FAM107B: variants seen among roughly 807,000 people sequenced by gnomAD.
FAM107B encodes family with sequence similarity 107 member B, also known as protein FAM107B.
FAM107B carries 21 observed loss-of-function variants against 31.5 expected under a neutral mutation model. The ratio of observed to expected loss-of-function variants is 0.67; its 90% confidence interval spans 0.47 to 0.96. The LOEUF (loss-of-function observed/expected upper bound fraction) is 0.96. Ranked by LOEUF, FAM107B falls within the 40% of genes least tolerant of loss-of-function variation. FAM107B has a pLI of 0.00. For synonymous variants in FAM107B, 157 were observed against 141.5 expected (o/e 1.11, Z -0.78); for missense variants, 452 against 377.1 (o/e 1.20, Z -1.64).
intron 2 of FAM107B, among the ~76,000 whole-genome samples, chr10:14,531,603 A>C (rs918922611): frequency 1.3e-5 from 2 of 150,784 alleles, no homozygotes; most frequent in Non-Finnish European, 2.9e-5. Flanking sequence ...GCACTTTGGG[A>C]GGCTAAGGTG....
At chr10:14,632,574 G>A (rs1292975719) in intron 2 of FAM107B, among the ~76,000 whole-genome samples, 1 of 141,142 alleles carries the variant, frequency 7.1e-6, no homozygotes, top group African/African-American at 2.7e-5. Flanking sequence ...TTGCGCCACT[G>A]CACTCCAGCC....
At chr10:14,750,484 C>T (rs914562137) in intron 1 of FAM107B, among the ~76,000 whole-genome samples, 1 of 152,072 alleles carries the variant, frequency 6.6e-6, no homozygotes, top group African/African-American at 2.4e-5. Flanking sequence ...GGATGGTGCA[C>T]ACCTGTAATC....
intron 1 of FAM107B, among the ~76,000 whole-genome samples, chr10:14,687,375 A>T (rs78821547): frequency 0.12 from 19,011 of 152,240 alleles, 1,643 homozygotes; most frequent in Non-Finnish European, 0.17. Context: ...AGCTCTTTAG[A>T]ATAACAGGAG....
intron 2 of FAM107B, among the ~76,000 whole-genome samples, chr10:14,624,709 A>G (rs182419502): frequency 6.6e-6 from 1 of 152,336 alleles, no homozygotes; most frequent in East Asian, 1.9e-4. Context: ...TTTGAGCATA[A>G]CAAGCTGCAC....
intron 2 of FAM107B, among the ~76,000 whole-genome samples, chr10:14,541,799 G>A (rs1382894651): frequency 6.6e-6 from 1 of 152,136 alleles, no homozygotes; most frequent in Non-Finnish European, 1.5e-5. Context: ...AAGTAGCAGT[G>A]GCCTCACAGT....
At chr10:14,756,880 G>C (rs540382008) in intron 1 of FAM107B, among the ~76,000 whole-genome samples, 27 of 152,264 alleles carry the variant, frequency 1.8e-4, no homozygotes, top group Middle Eastern at 3.4e-3. Context: ...TGGAACTGGA[G>C]GCCATCATTC....
At chr10:14,649,823 A>T (rs748778447) in intron 2 of FAM107B, among the ~76,000 whole-genome samples, 4 of 152,216 alleles carry the variant, frequency 2.6e-5, no homozygotes, top group African/African-American at 9.7e-5. Context: ...CTCGGAATAC[A>T]TCTCTTCAAA....
chr10:14,728,149 G>C (rs560335342), intron 1 of FAM107B, among the ~76,000 whole-genome samples: 2 of 152,198 alleles, frequency 1.3e-5, no homozygotes, highest in South Asian at 2.1e-4. Context: ...TGGCCTGAGA[G>C]CTGGGCTCAA....
At chr10:14,655,628 G>T (rs1270422628) in intron 2 of FAM107B, among the ~76,000 whole-genome samples, 2 of 152,198 alleles carry the variant, frequency 1.3e-5, no homozygotes, top group Non-Finnish European at 2.9e-5. Context: ...CTTAGTTCAG[G>T]TTCCCTTAGA....
intron 2 of FAM107B, among the ~76,000 whole-genome samples, chr10:14,565,573 C>G (rs554047163): frequency 4.2e-4 from 64 of 152,176 alleles, no homozygotes; most frequent in Admixed American, 2.2e-3. Context: ...ATTTTAGATA[C>G]CTGCAAAGCA....
intron 1 of FAM107B, among the ~76,000 whole-genome samples, chr10:14,718,909 C>T (rs112326700): frequency 0.012 from 1,797 of 152,222 alleles, 27 homozygotes; most frequent in African/African-American, 0.04. Context: ...TGACTCTCAA[C>T]GACCTTGAGA....
intron 3 of FAM107B, among the ~76,000 whole-genome samples, chr10:14,525,421 T>C (rs1427944640): frequency 6.6e-6 from 1 of 152,164 alleles, no homozygotes; most frequent in Admixed American, 6.5e-5. Context: ...AAAAGAAAAG[T>C]AATATACCCA....
intron 2 of FAM107B, among the ~76,000 whole-genome samples, chr10:14,634,007 T>A (rs1853432376): frequency 6.6e-6 from 1 of 152,214 alleles, no homozygotes; most frequent in African/African-American, 2.4e-5. Flanking sequence ...TGCAGGCTTT[T>A]CCATAGTGCT....
chr10:14,629,457 T>TAA (rs1853287135), intron 2 of FAM107B, among the ~76,000 whole-genome samples: 1 of 36,892 alleles, frequency 2.7e-5, no homozygotes, highest in Non-Finnish European at 4.7e-5. Flanking sequence ...TATATATATA[T>TAA]TATATATATA....
At chr10:14,588,674 C>T (rs1564589048) in intron 2 of FAM107B, among the ~76,000 whole-genome samples, 1 of 152,154 alleles carries the variant, frequency 6.6e-6, no homozygotes, top group Non-Finnish European at 1.5e-5. Flanking sequence ...TCTCCCATGC[C>T]ACAGGGTGAC....
At chr10:14,705,123 A>G (rs941957172) in intron 1 of FAM107B, among the ~76,000 whole-genome samples, 1 of 152,062 alleles carries the variant, frequency 6.6e-6, no homozygotes, top group African/African-American at 2.4e-5. Context: ...GCACCACATC[A>G]CTAATCATTA....
intron 1 of FAM107B, among the ~76,000 whole-genome samples, chr10:14,767,055 TAG>T (rs1186875187): frequency 0.012 from 217 of 18,234 alleles, 4 homozygotes; most frequent in Non-Finnish European, 0.016. Flanking sequence ...TATATATATA[TAG>T]AGAGAGAGAG....
chr10:14,630,056 C>T (rs1294626400), intron 2 of FAM107B, among the ~76,000 whole-genome samples: 1 of 152,076 alleles, frequency 6.6e-6, no homozygotes, highest in Non-Finnish European at 1.5e-5. Flanking sequence ...GCTTTATCTC[C>T]TTCCACAGGA....
chr10:14,583,100 A>G (rs924493440), intron 2 of FAM107B, among the ~76,000 whole-genome samples: 36 of 151,990 alleles, frequency 2.4e-4, no homozygotes, highest in African/African-American at 4.1e-4. Flanking sequence ...AAAAAAAAAA[A>G]AAAAGAAAAG....
Sources: allele counts gnomAD v4.1 joint callset (sites outside exome capture counted in the v4.1 genomes callset), GRCh38; gene constraint gnomAD v4.1.1; transcripts MANE v1.5; gene names NCBI Gene and HGNC (gene_info 2026-07-23, HGNC 2026-07-21).